Variants in ACCSL observed in about 807,000 individuals in gnomAD.
ACCSL encodes the protein 1-aminocyclopropane-1-carboxylate synthase homolog (inactive) like, also known as probable inactive 1-aminocyclopropane-1-carboxylate synthase-like protein 2.
Under a neutral mutation model 61.7 loss-of-function variants are expected in ACCSL, and 55 were observed. The observed-to-expected ratio is 0.89, with a 90% CI of 0.72 to 1.12. The LOEUF is 1.12. Among genes scored for constraint, ACCSL ranks in the 50% most tolerant of loss-of-function variants. The pLI, the probability that ACCSL is intolerant of heterozygous loss-of-function variation, is 0.00. For missense variants in ACCSL, 632 were observed against 698.0 expected, an observed-to-expected ratio of 0.91 and a Z score of 1.07; for synonymous variants, 258 against 264.3, an observed-to-expected ratio of 0.98 and a Z score of 0.23.
the ACCSL span, among the ~76,000 whole-genome samples, chr11:44,023,687 G>T: frequency 7.1e-6 from 1 of 141,520 alleles, no homozygotes; most frequent in South Asian, 2.3e-4. Context: ...CCTCTGGCTT[G>T]CTGTGGATGA....
chr11:43,963,098 T>C, the ACCSL span, among the ~76,000 whole-genome samples: 3 of 152,224 alleles, frequency 2.0e-5, no homozygotes, highest in South Asian at 6.2e-4. Context: ...TGAACACATC[T>C]GAGCCTGTGG....
the ACCSL span, among the ~76,000 whole-genome samples, chr11:43,981,762 G>A: frequency 6.6e-6 from 1 of 152,212 alleles, no homozygotes; most frequent in Non-Finnish European, 1.5e-5. Context: ...ACCCAGTCAG[G>A]AAGGGTGTGG....
At chr11:43,980,198 T>G in the ACCSL span, among the ~76,000 whole-genome samples, 1 of 152,234 alleles carries the variant, frequency 6.6e-6, no homozygotes, top group African/African-American at 2.4e-5. Flanking sequence ...GTTTATTTAT[T>G]TAATCCCCTA....
chr11:43,926,523 A>G, the ACCSL span: 43 of 455,750 alleles, frequency 9.4e-5, no homozygotes, highest in South Asian at 6.7e-4. Flanking sequence ...GGGCTTTTAT[A>G]TCCAGAGATT....
At chr11:43,938,210 G>T in the ACCSL span, among the ~76,000 whole-genome samples, 1 of 152,156 alleles carries the variant, frequency 6.6e-6, no homozygotes, top group African/African-American at 2.4e-5. Context: ...TCTCTGGGGG[G>T]GTGACCCCTT....
At chr11:43,955,962 A>T in the ACCSL span, among the ~76,000 whole-genome samples, 2 of 151,872 alleles carry the variant, frequency 1.3e-5, no homozygotes, top group Non-Finnish European at 2.9e-5. Context: ...TAAAAGAAAA[A>T]CTTCAGCTGA....
chr11:44,049,565 T>C (rs1952622878), intron 1 of ACCSL, among the ~76,000 whole-genome samples: 1 of 151,902 alleles, frequency 6.6e-6, no homozygotes, highest in Non-Finnish European at 1.5e-5. Context: ...CTTCTGTTCC[T>C]ATCTCTGTTC....
Position 44,055,285 on chromosome 11 carries a change from T to C in ACCSL, c.1133T>C (p.Met378Thr), listed in dbSNP as rs1565159687. The C allele has an allele frequency of 2.5e-6, 4 of 1,612,158 alleles. No homozygotes were observed. Among genetic ancestry groups the C allele is most frequent in the Non-Finnish European group, 3.4e-6 (4 of 1,178,644 alleles). ...ESITFHSILS[M>T]KSLPDSNRTH... ...ATCACATTCCACAGCATTCTGAGCA[T>C]GAAAAGGTGAGCTGGTCTCAGCTGG... The change falls in exon 9 of 14, where the codon ATG becomes ACG. Residue 378 changes from methionine to threonine, a missense_variant. Met to Thr is a moderately conservative substitution (Grantham distance 81). Coordinates refer to ENST00000378832, the MANE Select transcript of ACCSL (RefSeq NM_001031854.2).
At chr11:43,921,441 C>G in the ACCSL span, among the ~76,000 whole-genome samples, 1 of 152,200 alleles carries the variant, frequency 6.6e-6, no homozygotes, top group Non-Finnish European at 1.5e-5. Context: ...AATTTGAGCA[C>G]CACACCAAGC....
upstream of ACCSL, among the ~76,000 whole-genome samples, chr11:44,046,709 T>C (rs1371345957): frequency 6.6e-6 from 1 of 152,080 alleles, no homozygotes; most frequent in African/African-American, 2.4e-5. Flanking sequence ...GGGAAAAACT[T>C]GGAATTGTAG....
At chr11:44,013,283 C>CT in the ACCSL span, among the ~76,000 whole-genome samples, 12 of 152,014 alleles carry the variant, frequency 7.9e-5, no homozygotes, top group African/African-American at 2.7e-4. Context: ...ATTCTTTTTC[C>CT]TTTTTTTTGG....
At chr11:43,945,503 C>G in the ACCSL span, 6 of 152,230 alleles carry the variant, frequency 3.9e-5, no homozygotes, top group African/African-American at 1.4e-4. Context: ...GGCTTCTAGA[C>G]CCTTCAGGCC....
the ACCSL span, among the ~76,000 whole-genome samples, chr11:44,030,490 A>G: frequency 6.6e-6 from 1 of 151,804 alleles, no homozygotes; most frequent in Admixed American, 6.6e-5. Context: ...AGAAAGCAGC[A>G]TGAGTCTCTG....
the ACCSL span, among the ~76,000 whole-genome samples, chr11:43,923,861 A>G: frequency 6.6e-6 from 1 of 152,222 alleles, no homozygotes; most frequent in East Asian, 1.9e-4. Context: ...GTTTTCTCAA[A>G]TGAGCCTGCT....
In ACCSL at chr11:44,056,079, C is replaced by G. The variant is rs992717278; in HGVS notation, c.1179C>G (p.Thr393=). The change falls in exon 10 of 14, where the codon ACC becomes ACG. Residue 393 remains threonine, a synonymous_variant. Transcript: ENST00000378832. ...DSNRTHVIWG[T]SKDFGISGFR... Reference sequence around the variant, plus strand: ...ACAGGACCCATGTGATCTGGGGTACCAGTAAGGTGAGCCATTGCTTTCTCT... The same window carrying G: ...ACAGGACCCATGTGATCTGGGGTACGAGTAAGGTGAGCCATTGCTTTCTCT... The G allele has an allele frequency of 6.2e-7, 1 of 1,614,238 alleles. No homozygotes were observed. Among genetic ancestry groups the G allele is most frequent in the African/African-American group, 1.3e-5 (1 of 75,072 alleles).
At chr11:43,944,990 A>G in the ACCSL span, 1 of 152,426 alleles carries the variant, frequency 6.6e-6, no homozygotes, top group Non-Finnish European at 1.5e-5. Context: ...GGAGATACCC[A>G]GTCTCTCAGC....
chr11:43,942,794 C>G, the ACCSL span: 1 of 687,168 alleles, frequency 1.5e-6, no homozygotes, highest in Non-Finnish European at 1.8e-6. Flanking sequence ...AGATTTGGAT[C>G]CCCCGCCCGG....
chr11:44,056,017 TA>T, intron 9 of ACCSL, 22 bp from the exon 10 acceptor site: 1 of 1,614,012 alleles, frequency 6.2e-7, no homozygotes, highest in Non-Finnish European at 8.5e-7. Context: ...TAACCTTAGT[TA>T]ATTTTTCCAC....
the ACCSL span, among the ~76,000 whole-genome samples, chr11:43,982,980 T>C: frequency 6.6e-6 from 1 of 152,134 alleles, no homozygotes; most frequent in Non-Finnish European, 1.5e-5. Context: ...CTCCAGCCCC[T>C]AGTCAGTCAG....
Sources: gnomAD v4.1 joint callset for allele counts (sites outside exome capture counted in the v4.1 genomes callset) on GRCh38, gnomAD v4.1.1 for gene constraint, MANE v1.5 for transcripts, NCBI Gene and HGNC (gene_info 2026-07-23, HGNC 2026-07-21) for gene names.